The following SLC30A9 variants were observed in gnomAD, a reference collection of about 807,000 sequenced individuals.
SLC30A9 encodes the protein proton-coupled zinc antiporter SLC30A9, mitochondrial.
A neutral mutation model predicts 87.5 loss-of-function variants in SLC30A9; 58 were observed. The ratio of observed to expected loss-of-function variants is 0.66; its 90% CI spans 0.54 to 0.82. The LOEUF is 0.82. Among genes scored for constraint, SLC30A9 ranks in the 40% least tolerant of loss-of-function variants. SLC30A9 has a pLI of 0.00. For synonymous variants in SLC30A9, 234 were observed against 233.0 expected, an observed-to-expected ratio of 1.00 and a Z score of -0.04; for missense variants, 557 against 679.1, an observed-to-expected ratio of 0.82 and a Z score of 2.00.
intron 2 of SLC30A9, among the ~76,000 whole-genome samples, chr4:42,015,746 C>G (rs79315148): frequency 0.013 from 1,984 of 152,162 alleles, 51 homozygotes; most frequent in African/African-American, 0.046. Flanking sequence ...TCCATTTAAT[C>G]TCCTATTTTC....
At chr4:42,014,114 AAAG>A (rs1174652515) in intron 2 of SLC30A9, among the ~76,000 whole-genome samples, 2 of 152,224 alleles carry the variant, frequency 1.3e-5, no homozygotes, top group Non-Finnish European at 2.9e-5. Context: ...AGTGGCAAAA[AAAG>A]GTGTATGAAA....
intron 15 of SLC30A9, 21 bp downstream of exon 15, chr4:42,070,712 C>A: frequency 6.3e-7 from 1 of 1,580,934 alleles, no homozygotes; most frequent in Non-Finnish European, 8.6e-7. Flanking sequence ...TTCCAGTAAT[C>A]CTGTTAAGGC....
chr4:42,047,281 G>T (rs532381625), intron 8 of SLC30A9, among the ~76,000 whole-genome samples: 1 of 152,166 alleles, frequency 6.6e-6, no homozygotes, highest in Admixed American at 6.5e-5. Context: ...ACTATTATCC[G>T]AGTGAACAGG....
chr4:42,013,526 T>C (rs777113253), intron 2 of SLC30A9, among the ~76,000 whole-genome samples: 81 of 152,134 alleles, frequency 5.3e-4, no homozygotes, highest in Non-Finnish European at 1.0e-3. Flanking sequence ...TTATGCTGTT[T>C]TACTGTTATA....
chr4:42,038,960 TAAAA>T, intron 7 of SLC30A9, 22 bp from the exon 8 acceptor site: 1 of 1,599,714 alleles, frequency 6.3e-7, no homozygotes, highest in South Asian at 1.1e-5. Context: ...TTGGAGGTAT[TAAAA>T]AAAGTTTTTG....
chr4:42,073,252 T>C (rs1194559155), intron 15 of SLC30A9, among the ~76,000 whole-genome samples: 2 of 152,208 alleles, frequency 1.3e-5, no homozygotes, highest in African/African-American at 2.4e-5. Flanking sequence ...GGTTTTGGCA[T>C]CATATATTTT....
chr4:42,053,695 CAAAAAAAAAAAAAAAAA>C (rs56190460), intron 9 of SLC30A9, among the ~76,000 whole-genome samples: 3 of 55,922 alleles, frequency 5.4e-5, no homozygotes, highest in Admixed American at 2.8e-4. Flanking sequence ...ACTCGGTCTC[CAAAAAAAAAAAAAAAAA>C]AAAAAAAAAA....
At chr4:41,997,949 A>G (rs1348023995) in intron 1 of SLC30A9, among the ~76,000 whole-genome samples, 3 of 152,260 alleles carry the variant, frequency 2.0e-5, no homozygotes. Context: ...TTAGCCGGAA[A>G]TAAACTCACG....
chr4:42,079,170 C>A (rs553274543), intron 17 of SLC30A9, among the ~76,000 whole-genome samples: 5 of 152,094 alleles, frequency 3.3e-5, no homozygotes, highest in Admixed American at 6.5e-5. Context: ...TTATTGCAGA[C>A]CTCAAAGAGA....
chr4:42,025,820 C>T (rs1237765046), intron 6 of SLC30A9, among the ~76,000 whole-genome samples: 6 of 152,136 alleles, frequency 3.9e-5, no homozygotes, highest in African/African-American at 9.7e-5. Flanking sequence ...CACCCGCCAC[C>T]GCGCCCAACT....
chr4:42,084,479 T>C (rs1384861639), intron 17 of SLC30A9, among the ~76,000 whole-genome samples: 1 of 151,976 alleles, frequency 6.6e-6, no homozygotes, highest in Non-Finnish European at 1.5e-5. Context: ...TTTTTTATTT[T>C]TTTATTTTTT....
intron 15 of SLC30A9, among the ~76,000 whole-genome samples, chr4:42,074,524 G>C (rs1002754840): frequency 3.3e-5 from 5 of 152,140 alleles, no homozygotes; most frequent in Non-Finnish European, 7.4e-5. Context: ...TTGAGTATCT[G>C]CTTTCCTGTC....
Position 42,034,421 on chromosome 4 carries a change from C to G in SLC30A9, c.611-854C>G, listed in dbSNP as rs145660410. Reference sequence around the variant, plus strand: ...CACTATACCCATTAAATAACTACCCCCCATTTCCCTGCCACCCCCCGGTCC... The same window carrying G: ...CACTATACCCATTAAATAACTACCCGCCATTTCCCTGCCACCCCCCGGTCC... On this transcript the variant is annotated intron_variant, in intron 6 of 17. Coordinates refer to ENST00000264451, the MANE Select transcript of SLC30A9 (RefSeq NM_006345.4). 7.4e-4 allele frequency among the ~76,000 whole-genome samples: 84 copies of G among 112,944 alleles called. No homozygotes were observed. In the East Asian group the frequency reaches 0.033, roughly 44 times the overall value. 74.1% of individuals were successfully genotyped at this position (112,944 alleles called of 152,430 possible).
chr4:42,077,717 T>C (rs1718610704), intron 16 of SLC30A9, among the ~76,000 whole-genome samples: 2 of 152,158 alleles, frequency 1.3e-5, no homozygotes, highest in Admixed American at 1.3e-4. Flanking sequence ...AACTTCCTTT[T>C]CTTTTTGTTG....
At chr4:42,008,339 G>C (rs553473164) in intron 2 of SLC30A9, among the ~76,000 whole-genome samples, 2 of 152,232 alleles carry the variant, frequency 1.3e-5, no homozygotes, top group African/African-American at 4.8e-5. Flanking sequence ...TTTTGGCATA[G>C]GTAGCACTTA....
chr4:42,073,653 C>CTA (rs1718406059), intron 15 of SLC30A9, among the ~76,000 whole-genome samples: 2 of 152,292 alleles, frequency 1.3e-5, no homozygotes, highest in East Asian at 3.9e-4. Context: ...TGCTTCTAAC[C>CTA]TTACTCACAT....
intron 7 of SLC30A9, among the ~76,000 whole-genome samples, chr4:42,035,997 C>T (rs745931807): frequency 6.6e-6 from 1 of 152,150 alleles, no homozygotes; most frequent in African/African-American, 2.4e-5. Flanking sequence ...CAACTCTGTG[C>T]TTGTATCCAA....
chr4:42,001,629 A>G lies in SLC30A9; in HGVS notation c.123A>G (p.Leu41=), dbSNP rs62302087. The G allele has an allele frequency of 3.3e-4, 517 of 1,584,502 alleles. No individual in the cohort carries two copies. Among genetic ancestry groups the G allele is most frequent in the Non-Finnish European group, 4.1e-4 (479 of 1,162,932 alleles). The change falls in exon 2 of 18, where the codon TTA becomes TTG. Residue 41 remains leucine (L), a synonymous_variant. Transcript: ENST00000264451. ...NPSDRQEWQN[L]VTFGSFSNMV... is the part of the protein sequence containing the mutation. ...TTTTTCTTTTAGAGTGGCAGAATTTAGTGACATTTGGAAGCTTTTCAAACA... is the reference window on the plus strand; with the variant it reads ...TTTTTCTTTTAGAGTGGCAGAATTTGGTGACATTTGGAAGCTTTTCAAACA...
intron 7 of SLC30A9, among the ~76,000 whole-genome samples, chr4:42,038,560 C>A (rs1032967175): frequency 6.6e-6 from 1 of 152,108 alleles, no homozygotes; most frequent in African/African-American, 2.4e-5. Context: ...GCTTACAAAT[C>A]GAAGTAAAAG....
Sources: allele counts gnomAD v4.1 joint callset (sites outside exome capture counted in the v4.1 genomes callset), GRCh38; gene constraint gnomAD v4.1.1; transcripts MANE v1.5; gene names NCBI Gene and HGNC (gene_info 2026-07-23, HGNC 2026-07-21).